Variants in DGKI observed in about 807,000 individuals in gnomAD.
The protein encoded by DGKI is diacylglycerol kinase iota.
A neutral mutation model predicts 147.5 loss-of-function variants in DGKI; 55 were observed. That is an observed-to-expected ratio of 0.37 (90% CI 0.30 to 0.47). The LOEUF (loss-of-function observed/expected upper bound fraction) is 0.47. DGKI is among the 20% of genes least tolerant of loss of function. The pLI, the probability that DGKI is intolerant of heterozygous loss-of-function variation, is 1.00. For missense variants in DGKI, 1,007 were observed against 1,323.8 expected, an observed-to-expected ratio of 0.76 and a Z score of 3.71; for synonymous variants, 469 against 477.1, an observed-to-expected ratio of 0.98 and a Z score of 0.22.
At chr7:137,789,035 A>C (rs1796766173) in intron 1 of DGKI, among the ~76,000 whole-genome samples, 1 of 152,232 alleles carries the variant, frequency 6.6e-6, no homozygotes, top group Admixed American at 6.5e-5. Context: ...AAGAATTTAT[A>C]ATTTAAAAGG....
intron 2 of DGKI, among the ~76,000 whole-genome samples, chr7:137,685,369 T>C (rs1470475211): frequency 6.6e-6 from 1 of 152,138 alleles, no homozygotes; most frequent in Non-Finnish European, 1.5e-5. Context: ...TTAGGCAGTG[T>C]AATGGGCAAA....
intron 15 of DGKI, 108 bp downstream of exon 15, chr7:137,581,742 A>C (rs901800038): frequency 1.1e-6 from 1 of 905,734 alleles, no homozygotes; most frequent in Non-Finnish European, 1.7e-6. Flanking sequence ...ATGAAACAAC[A>C]CTGAAGCACA....
At chr7:137,638,365 GCTT>G (rs1265977054) in intron 6 of DGKI, among the ~76,000 whole-genome samples, 1 of 144,484 alleles carries the variant, frequency 6.9e-6, no homozygotes, top group Non-Finnish European at 1.5e-5. Flanking sequence ...TTTCCCCAAT[GCTT>G]CTTTTTTTTT....
chr7:137,714,632 A>C (rs1356272794), intron 1 of DGKI, among the ~76,000 whole-genome samples: 1 of 152,174 alleles, frequency 6.6e-6, no homozygotes, highest in Non-Finnish European at 1.5e-5. Context: ...CCTATCACAC[A>C]AGTTGGCCCT....
intron 1 of DGKI, among the ~76,000 whole-genome samples, chr7:137,743,774 G>A (rs888493538): frequency 2.6e-5 from 4 of 152,064 alleles, no homozygotes; most frequent in African/African-American, 4.8e-5. Context: ...ATGAGGTCAG[G>A]AGATCAAGAC....
intron 1 of DGKI, among the ~76,000 whole-genome samples, chr7:137,806,430 C>G (rs1797365347): frequency 6.6e-6 from 1 of 151,912 alleles, no homozygotes; most frequent in Non-Finnish European, 1.5e-5. Flanking sequence ...AGAAACTGAA[C>G]CTTTGCTTCT....
At position 137,469,568 on chromosome 7, in the gene DGKI, G is replaced by C. The variant is rs150062419; in HGVS notation, c.2425C>G (p.Arg809Gly). Reference sequence around the variant, plus strand: ...AACTCACCATCTAGGAAGCACCACCGAGGAGAGAGCCTCTGTGCTGAGAGA... The same window carrying C: ...AACTCACCATCTAGGAAGCACCACCCAGGAGAGAGCCTCTGTGCTGAGAGA... ...RALSAQRLSP[R>G]WCFLDATSAD... Residue 809 changes from arginine (R) to glycine (G), a missense_variant, in exon 24 of 33, where the codon CGG becomes GGG. Arg to Gly is a moderately radical substitution (Grantham distance 125). Around this residue, in one of 5 missense-constraint regions of DGKI, gnomAD observed 385 missense variants for 445.2 expected, o/e 0.86. Transcript: ENST00000614521. The C allele has an allele frequency of 3.1e-6, 5 of 1,613,872 alleles. No homozygotes were observed. The African/African-American group carries it at 5.3e-5, about 17-fold the overall frequency.
At chr7:137,499,455 G>T (rs1323902629) in intron 21 of DGKI, among the ~76,000 whole-genome samples, 1 of 152,130 alleles carries the variant, frequency 6.6e-6, no homozygotes, top group Non-Finnish European at 1.5e-5. Context: ...TGTATCAGTG[G>T]AGTGAGTAAA....
chr7:137,539,671 T>TA (rs1258859804), intron 20 of DGKI, among the ~76,000 whole-genome samples: 2 of 149,446 alleles, frequency 1.3e-5, no homozygotes, highest in Non-Finnish European at 3.0e-5. Flanking sequence ...AGCAAATAAA[T>TA]AAAAGATTCC....
intron 32 of DGKI, among the ~76,000 whole-genome samples, chr7:137,394,355 C>A (rs1394324427): frequency 1.3e-5 from 2 of 152,190 alleles, no homozygotes; most frequent in East Asian, 3.9e-4. Context: ...TGGCCCAAGA[C>A]AATTCTTCTT....
At chr7:137,642,929 A>AGTGT (rs1207086851) in intron 6 of DGKI, among the ~76,000 whole-genome samples, 17,131 of 120,978 alleles carry the variant, frequency 0.14, 1,430 homozygotes, top group Middle Eastern at 0.2. Flanking sequence ...ATTATGGAAT[A>AGTGT]GTGTGTGTGT....
At chr7:137,824,872 C>T (rs1027578265) in intron 1 of DGKI, among the ~76,000 whole-genome samples, 1 of 152,326 alleles carries the variant, frequency 6.6e-6, no homozygotes, top group African/African-American at 2.4e-5. Context: ...ATCCATATGC[C>T]TGCAAAGAAC....
chr7:137,558,213 T>C (rs556696347), intron 19 of DGKI, among the ~76,000 whole-genome samples: 9 of 152,334 alleles, frequency 5.9e-5, no homozygotes, highest in Admixed American at 5.2e-4. Context: ...GGAACATCTA[T>C]CATTAAGATT....
chr7:137,738,055 T>C (rs1412821586), intron 1 of DGKI, among the ~76,000 whole-genome samples: 2 of 152,166 alleles, frequency 1.3e-5, no homozygotes, highest in Non-Finnish European at 2.9e-5. Context: ...CTAGGCACAG[T>C]GCTAAGCAAT....
intron 1 of DGKI, among the ~76,000 whole-genome samples, chr7:137,830,499 G>A (rs1798187742): frequency 1.3e-5 from 2 of 152,222 alleles, no homozygotes; most frequent in African/African-American, 4.8e-5. Context: ...TGTGCTAATG[G>A]TGACCTTGGT....
At chr7:137,663,295 A>G (rs1350904930) in intron 3 of DGKI, among the ~76,000 whole-genome samples, 1 of 152,218 alleles carries the variant, frequency 6.6e-6, no homozygotes, top group Admixed American at 6.5e-5. Context: ...AGAGCCACAC[A>G]TGGCGACATG....
chr7:137,720,320 C>T (rs749511956), intron 1 of DGKI, among the ~76,000 whole-genome samples: 7 of 128,084 alleles, frequency 5.5e-5, no homozygotes, highest in South Asian at 2.4e-4. Context: ...TGCAGTGGTG[C>T]GATCTCGGCT....
chr7:137,622,069 AAC>A (rs375131334), intron 7 of DGKI, among the ~76,000 whole-genome samples: 3,154 of 152,280 alleles, frequency 0.021, 46 homozygotes, highest in Non-Finnish European at 0.03. Context: ...TTTGTGTAAC[AAC>A]TAACTGAAAG....
At chr7:137,414,694 T>C (rs1180725727) in intron 28 of DGKI, among the ~76,000 whole-genome samples, 3 of 152,158 alleles carry the variant, frequency 2.0e-5, no homozygotes, top group Non-Finnish European at 2.9e-5. Context: ...AGTGCCCCCA[T>C]TGAGTTCATC....
Sources: allele counts gnomAD v4.1 joint callset (sites outside exome capture counted in the v4.1 genomes callset), GRCh38; gene constraint gnomAD v4.1.1; regional missense constraint gnomAD v4.1.1; transcripts MANE v1.5; gene names NCBI Gene and HGNC (gene_info 2026-07-23, HGNC 2026-07-21).